Variants in GLI3 observed in about 807,000 individuals in gnomAD.
GLI3 encodes the protein GLI family zinc finger 3.
Under a neutral mutation model 100.8 loss-of-function variants are expected in GLI3, and 20 were observed. The observed-to-expected ratio is 0.20, with a 90% CI of 0.14 to 0.29. The LOEUF (loss-of-function observed/expected upper bound fraction) is 0.29, where lower values mean the gene tolerates loss of function less well. Ranked by LOEUF, GLI3 falls within the 10% of genes least tolerant of loss-of-function variation. GLI3 has a pLI of 1.00. For missense variants in GLI3, 2,040 were observed against 2,128.5 expected (o/e 0.96, Z 0.82); for synonymous variants, 938 against 860.5 (o/e 1.09, Z -1.58).
intron 10 of GLI3, among the ~76,000 whole-genome samples, chr7:42,002,709 C>T (rs1393849955): frequency 6.6e-6 from 1 of 152,112 alleles, no homozygotes; most frequent in Non-Finnish European, 1.5e-5. Context: ...CAAGCTGAAA[C>T]ACTAATAAGC....
intron 10 of GLI3, among the ~76,000 whole-genome samples, chr7:42,022,458 AG>A (rs1210538601): frequency 6.6e-6 from 1 of 152,212 alleles, no homozygotes; most frequent in African/African-American, 2.4e-5. Context: ...TGTAAAAAAA[AG>A]AATGTACCAC....
intron 3 of GLI3, among the ~76,000 whole-genome samples, chr7:42,137,868 T>C (rs1210431625): frequency 6.6e-6 from 1 of 152,240 alleles, no homozygotes. Context: ...GGAAAAGGTA[T>C]ATATAAAACA....
chr7:41,966,310 G>A lies in GLI3; in HGVS notation c.2763C>T (p.Leu921=), dbSNP rs1486073428. ...QSDGLPSLLS[L]TPAQQYRLKA... ...TGAGGCGGTACTGCTGGGCGGGCGT[G>A]AGGCTGAGCAGGCTGGGCAGGCCGT... is the stretch of plus-strand genomic sequence containing the variant. The change falls in exon 15 of 15, where the codon CTC becomes CTT. Residue 921 remains leucine (L), a synonymous_variant. Transcript: ENST00000395925. This position sits in a 1 kb window ranked among gnomAD's most constrained non-coding sequence, Gnocchi z 5.8. 2 of 1,607,918 alleles carry A rather than the reference G, an allele frequency of 1.2e-6. No homozygotes were observed. Among genetic ancestry groups the A allele is most frequent in the East Asian group, 2.2e-5 (1 of 44,830 alleles).
intron 3 of GLI3, among the ~76,000 whole-genome samples, chr7:42,122,950 G>T (rs1786038052): frequency 6.6e-6 from 1 of 152,162 alleles, no homozygotes; most frequent in Non-Finnish European, 1.5e-5. Context: ...GGATAAATCT[G>T]AATATTAATT....
At chr7:42,247,770 T>C (rs1332744254) in intron 1 of GLI3, among the ~76,000 whole-genome samples, 3 of 152,214 alleles carry the variant, frequency 2.0e-5, no homozygotes, top group African/African-American at 7.2e-5. Context: ...GGAAGGTAGA[T>C]GTAGCATCTG....
At chr7:42,167,037 G>T (rs1787259722) in intron 2 of GLI3, among the ~76,000 whole-genome samples, 1 of 152,070 alleles carries the variant, frequency 6.6e-6, no homozygotes, top group African/African-American at 2.4e-5. Context: ...ATGTTGGCCA[G>T]GCTGGTCTCG....
chr7:42,002,542 C>T (rs17707510), intron 10 of GLI3, among the ~76,000 whole-genome samples: 1 of 152,100 alleles, frequency 6.6e-6, no homozygotes, highest in Non-Finnish European at 1.5e-5. Context: ...ATTTGAACAT[C>T]ATTAGGAATC....
intron 10 of GLI3, among the ~76,000 whole-genome samples, chr7:41,983,512 C>T (rs1237290392): frequency 6.6e-6 from 1 of 152,100 alleles, no homozygotes; most frequent in Non-Finnish European, 1.5e-5. Context: ...TCAATGGGCA[C>T]GAGTTTATTT....
intron 10 of GLI3, among the ~76,000 whole-genome samples, chr7:41,990,865 A>AGTGTGTGT (rs57245025): frequency 1.3e-3 from 183 of 142,838 alleles, no homozygotes; most frequent in African/African-American, 3.9e-3. Context: ...GATTAAGGCA[A>AGTGTGTGT]GTGTGTGTGT....
chr7:42,201,119 G>A (rs1170765835), intron 2 of GLI3, among the ~76,000 whole-genome samples: 1 of 152,026 alleles, frequency 6.6e-6, no homozygotes, highest in Non-Finnish European at 1.5e-5. Context: ...CTATCGATTA[G>A]GCACAGTAAG....
Position 42,182,679 on chromosome 7 carries a change from T to TAC in GLI3, c.125-34212_125-34211insGT, listed in dbSNP as rs1231469391. Among the ~76,000 whole-genome samples, 45 of 59,418 alleles carry TAC rather than the reference T, an allele frequency of 7.6e-4. 1 individual carries two copies. Among genetic ancestry groups the TAC allele is most frequent in the South Asian group, 1.1e-3 (2 of 1,802 alleles). 39.0% of individuals were successfully genotyped at this position (59,418 alleles called of 152,430 possible). A position where few individuals can be genotyped will look rare whatever the true frequency, so the allele number is the denominator to read the frequency against. ...ATATATATATATATATATATATATATATACACATGTGTGTATATATATATA... is the reference window on the plus strand; with the variant it reads ...ATATATATATATATATATATATATATACATACACATGTGTGTATATATATATA... On this transcript the variant is annotated intron_variant, in intron 2 of 14. Transcript: ENST00000395925.
intron 2 of GLI3, among the ~76,000 whole-genome samples, chr7:42,197,449 C>A (rs926023572): frequency 5.9e-5 from 9 of 152,248 alleles, no homozygotes; most frequent in Non-Finnish European, 8.8e-5. Flanking sequence ...TTTTAATCCT[C>A]TGACTAACAC....
rs373377948 is a variant in GLI3 at position 42,124,769 on chromosome 7, G to T, written c.367+23457C>A. ...GTTTATTTCTGAGACTCAAGAGATA[G>T]TTTTTGCTTTAGTTGTTGCCATTGG... is the stretch of plus-strand genomic sequence containing the variant. On this transcript the variant is annotated intron_variant, in intron 3 of 14. Transcript: ENST00000395925. 2.0e-5 allele frequency among the ~76,000 whole-genome samples: 3 copies of T among 152,296 alleles called. No homozygotes were observed. In the East Asian group the frequency reaches 5.8e-4, roughly 29 times the overall value.
At chr7:42,047,503 G>A (rs1383621618) in intron 5 of GLI3, among the ~76,000 whole-genome samples, 1 of 152,214 alleles carries the variant, frequency 6.6e-6, no homozygotes, top group East Asian at 1.9e-4. Flanking sequence ...TTCAGAGCCT[G>A]CTACCTGTAA....
chr7:42,162,965 C>CT (rs58993499), intron 2 of GLI3, among the ~76,000 whole-genome samples: 2,186 of 95,564 alleles, frequency 0.023, 303 homozygotes, highest in African/African-American at 0.069. Flanking sequence ...GAATAAACAC[C>CT]TTTTTTTTTT....
intron 10 of GLI3, among the ~76,000 whole-genome samples, chr7:42,023,186 C>T (rs1480730258): frequency 6.6e-6 from 1 of 152,158 alleles, no homozygotes; most frequent in African/African-American, 2.4e-5. Context: ...ACTCAATAAC[C>T]ATCAAAGTCG....
At chr7:41,991,931 A>G (rs933719849) in intron 10 of GLI3, among the ~76,000 whole-genome samples, 4 of 152,178 alleles carry the variant, frequency 2.6e-5, no homozygotes, top group African/African-American at 7.2e-5. Context: ...ATGTGTGTGT[A>G]TGCATGTGTA....
Position 41,965,005 on chromosome 7 carries a change from G to A in GLI3, c.4068C>T (p.Ile1356=). The change falls in exon 15 of 15, where the codon ATC becomes ATT. Residue 1356 remains isoleucine (I), a synonymous_variant. Transcript: ENST00000395925. ...GCAGGCAGCTCTCTGGCCCTTGGTA[G>A]ATGTTGATGTGTGAGGTAGCACTAA... ...GQISATSHIN[I]YQGPESCLPG... 6.2e-7 allele frequency: 1 copy of A among 1,613,906 alleles called. No homozygotes were observed. Among genetic ancestry groups the A allele is most frequent in the South Asian group, 1.1e-5 (1 of 91,086 alleles).
At chr7:42,132,277 T>C (rs1462415687) in intron 3 of GLI3, among the ~76,000 whole-genome samples, 1 of 114,866 alleles carries the variant, frequency 8.7e-6, no homozygotes, top group African/African-American at 4.6e-5. Context: ...ATTTTTTGTA[T>C]TTTTAGTAGA....
Sources: gnomAD v4.1 joint callset for allele counts (sites outside exome capture counted in the v4.1 genomes callset) on GRCh38, gnomAD v4.1.1 for gene constraint, Gnocchi (gnomAD v3.1) non-coding constraint, MANE v1.5 for transcripts, NCBI Gene and HGNC (gene_info 2026-07-23, HGNC 2026-07-21) for gene names.